The following TET1 variants were observed in gnomAD, a reference collection of about 807,000 sequenced individuals.
TET1 encodes the protein tet methylcytosine dioxygenase 1.
TET1 carries 13 observed loss-of-function variants against 148.7 expected under a neutral mutation model. That is an observed-to-expected ratio of 0.09 (90% confidence interval 0.06 to 0.14). The LOEUF is 0.14. TET1 is among the 10% of genes least tolerant of loss of function. TET1 has a pLI of 1.00. For synonymous variants in TET1, 907 were observed against 937.2 expected, an observed-to-expected ratio of 0.97 and a Z score of 0.59; for missense variants, 2,182 against 2,553.8, an observed-to-expected ratio of 0.85 and a Z score of 3.14.
At chr10:68,613,118 A>C (rs992000131) in intron 3 of TET1, among the ~76,000 whole-genome samples, 1 of 152,230 alleles carries the variant, frequency 6.6e-6, no homozygotes, top group African/African-American at 2.4e-5. Flanking sequence ...TCTTGGTGTA[A>C]AGGAAAAACT....
At chr10:68,644,636 T>A (rs998390202) in intron 3 of TET1, 62 bp from the exon 4 acceptor site, 79 of 1,444,272 alleles carry the variant, frequency 5.5e-5, no homozygotes, top group Non-Finnish European at 4.8e-5. Flanking sequence ...TAAATTTTAA[T>A]CTTCTATGGC....
chr10:68,638,086 T>A (rs938324839), intron 3 of TET1, among the ~76,000 whole-genome samples: 1 of 152,160 alleles, frequency 6.6e-6, no homozygotes, highest in Non-Finnish European at 1.5e-5. Flanking sequence ...GCCAATCTTT[T>A]CTTTTTATTT....
In TET1 at chr10:68,572,327, T is replaced by C. The variant is rs765497053; in HGVS notation, c.-12T>C. ...TTTCCTGCGCCCTTTCATTTTTTCC[T>C]ACTCTGTAGCTATGTCTCGATCCCG... On this transcript the variant is annotated 5_prime_UTR_variant, in exon 2 of 12. Transcript: ENST00000373644. The C allele has an allele frequency of 7.6e-6, 12 of 1,574,240 alleles. No individual in the cohort carries two copies. The East Asian group carries it at 2.7e-4, about 35-fold the overall frequency.
At position 68,651,731 on chromosome 10, in the gene TET1, T is replaced by C. The variant is rs562365763; in HGVS notation, c.4277-115T>C. The C allele has an allele frequency of 3.3e-5, 21 of 639,070 alleles. No homozygotes were observed. In the African/African-American group the frequency reaches 3.9e-4, roughly 12 times the overall value. 39.6% of individuals were successfully genotyped at this position (639,070 alleles called of 1,614,324 possible). A position where few individuals can be genotyped will look rare whatever the true frequency, so the allele number is the denominator to read the frequency against. On this transcript the variant is annotated intron_variant, in intron 4 of 11. Transcript: ENST00000373644. ...TTAATTATCAAATCTTACCAAAACCTTGTCAAGATTCATGGTTCTGAATTG... is the reference window on the plus strand; with the variant it reads ...TTAATTATCAAATCTTACCAAAACCCTGTCAAGATTCATGGTTCTGAATTG...
chr10:68,670,774 C>G (rs1027506), intron 7 of TET1, among the ~76,000 whole-genome samples: 130,967 of 152,158 alleles, frequency 0.86, 57,597 homozygotes, highest in East Asian at 0.98. Context: ...TGAATTTCAT[C>G]GTAGTCTTTC....
chr10:68,580,805 A>T (rs12357843), intron 2 of TET1, among the ~76,000 whole-genome samples: 57,614 of 93,034 alleles, frequency 0.62, 18,316 homozygotes, highest in East Asian at 0.73. Flanking sequence ...AAAAAAAAAA[A>T]ATATATATAT....
At position 68,622,465 on chromosome 10, in the gene TET1, C is replaced by A. The variant is rs997807068; in HGVS notation, c.1968+21431C>A. The stretch of plus-strand genomic sequence containing the variant: ...TTTTTTTTAGTAGAGACGGTTTCAC[C>A]ATGTTCGCCAGGCTGGTCTGGAACT... On this transcript the variant is annotated intron_variant, in intron 3 of 11. Transcript: ENST00000373644. Among the ~76,000 whole-genome samples the A allele has an allele frequency of 5.9e-5, 9 of 152,102 alleles. No homozygotes were observed. In the South Asian group the frequency reaches 1.9e-3, roughly 31 times the overall value.
chr10:68,676,850 T>C (rs897676356), intron 8 of TET1, among the ~76,000 whole-genome samples: 1 of 152,222 alleles, frequency 6.6e-6, no homozygotes, highest in Non-Finnish European at 1.5e-5. Flanking sequence ...CCAAAACTGT[T>C]GTTCCCAGCT....
intron 7 of TET1, among the ~76,000 whole-genome samples, chr10:68,667,856 T>C (rs2055215908): frequency 6.6e-6 from 1 of 152,164 alleles, no homozygotes; most frequent in Non-Finnish European, 1.5e-5. Context: ...GAAAGGGATT[T>C]TGACTTAAAA....
rs553198682 is a variant in TET1 at position 68,611,506 on chromosome 10, G to T, written c.1968+10472G>T. 2.8e-4 allele frequency among the ~76,000 whole-genome samples: 42 copies of T among 151,630 alleles called. No individual in the cohort carries two copies. In the South Asian group the frequency reaches 7.7e-3, roughly 28 times the overall value. ...ATCTCTTCAAGAAAAAAATAAGTGG[G>T]TTGGGCATAGTGGCTTATGACTGTC... On this transcript the variant is annotated intron_variant, in intron 3 of 11. Coordinates refer to ENST00000373644, the MANE Select transcript of TET1 (RefSeq NM_030625.3).
At chr10:68,625,025 C>A (rs1366875953) in intron 3 of TET1, among the ~76,000 whole-genome samples, 1 of 152,098 alleles carries the variant, frequency 6.6e-6, no homozygotes, top group East Asian at 1.9e-4. Flanking sequence ...TGAGCCAGTG[C>A]GCCCGGCTTC....
rs569014879 is a variant in TET1 at position 68,678,317 on chromosome 10, A to T, written c.4825-3082A>T. The stretch of plus-strand genomic sequence containing the variant: ...AGGGCAGATCAGTAATTCAGTTTAG[A>T]TATATTGGTATTGAGATTCCTAAGG... On this transcript the variant is annotated intron_variant, in intron 8 of 11. Coordinates refer to ENST00000373644, the MANE Select transcript of TET1 (RefSeq NM_030625.3). Among the ~76,000 whole-genome samples, 4 of 152,296 alleles carry T rather than the reference A, an allele frequency of 2.6e-5. No homozygotes were observed. In the South Asian group the frequency reaches 8.3e-4, roughly 32 times the overall value.
At chr10:68,593,915 ATTTTTTTTTTTTTTTTT>A (rs3998851) in intron 2 of TET1, among the ~76,000 whole-genome samples, 1 of 44,724 alleles carries the variant, frequency 2.2e-5, no homozygotes, top group South Asian at 1.2e-3. Flanking sequence ...CGCCTGAGCT[ATTTTTTTTTTTTTTTTT>A]TTTTTTTTTT....
At chr10:68,595,991 CACACACA>C (rs1186928868) in intron 2 of TET1, among the ~76,000 whole-genome samples, 1 of 60,048 alleles carries the variant, frequency 1.7e-5, no homozygotes, top group African/African-American at 6.1e-5. Flanking sequence ...TATACACACA[CACACACA>C]CACACACACA....
intron 7 of TET1, among the ~76,000 whole-genome samples, chr10:68,669,361 G>A (rs971888647): frequency 6.6e-6 from 1 of 151,276 alleles, no homozygotes; most frequent in African/African-American, 2.4e-5. Flanking sequence ...CCCAGGTTGA[G>A]TTGCGGTGGC....
intron 1 of TET1, among the ~76,000 whole-genome samples, chr10:68,571,339 T>C (rs7914352): frequency 0.032 from 4,856 of 151,456 alleles, 134 homozygotes; most frequent in African/African-American, 0.077. Flanking sequence ...AGTCTCACTC[T>C]GTCACCCAGG....
intron 9 of TET1, among the ~76,000 whole-genome samples, chr10:68,682,577 A>G (rs1421289805): frequency 1.3e-5 from 2 of 152,140 alleles, no homozygotes; most frequent in Non-Finnish European, 2.9e-5. Flanking sequence ...TTACTTGCTT[A>G]TCCATCTCCA....
Position 68,686,604 on chromosome 10 carries a change from A to T in TET1, c.5301A>T (p.Ala1767=). 6.2e-7 allele frequency: 1 copy of T among 1,614,186 alleles called. No individual in the cohort carries two copies. The highest frequency in any genetic ancestry group is 1.6e-4 in the Middle Eastern group (1 of 6,062). The change falls in exon 11 of 12, where the codon GCA becomes GCT. Residue 1767 remains alanine, a synonymous_variant. Transcript: ENST00000373644. ...CTGCGATGATGACAGAGGTTCTTGCACATAAGATAAGGGCAGTGGAAAAGA... is the reference window on the plus strand; with the variant it reads ...CTGCGATGATGACAGAGGTTCTTGCTCATAAGATAAGGGCAGTGGAAAAGA... The part of the protein sequence containing the change: ...KRAAMMTEVL[A]HKIRAVEKKP...
At chr10:68,565,940 C>T (rs545216384) in intron 1 of TET1, among the ~76,000 whole-genome samples, 66 of 152,230 alleles carry the variant, frequency 4.3e-4, no homozygotes, top group African/African-American at 1.6e-3. Flanking sequence ...AGGCTGTTAC[C>T]ATTTAAAGAG....
Sources: allele counts gnomAD v4.1 joint callset (sites outside exome capture counted in the v4.1 genomes callset), GRCh38; gene constraint gnomAD v4.1.1; transcripts MANE v1.5; gene names NCBI Gene and HGNC (gene_info 2026-07-23, HGNC 2026-07-21).